The following CPNE8 variants were observed in gnomAD, a reference collection of about 807,000 sequenced individuals.
CPNE8 encodes copine-8.
CPNE8 carries 45 observed loss-of-function variants against 81.5 expected under a neutral mutation model. That is an observed-to-expected ratio of 0.55 (90% CI 0.44 to 0.71). The LOEUF (loss-of-function observed/expected upper bound fraction) is 0.71. Ranked by LOEUF, CPNE8 falls within the 30% of genes least tolerant of loss-of-function variation. The pLI is 0.00. For missense variants in CPNE8, 594 were observed against 672.1 expected (o/e 0.88, Z 1.28); for synonymous variants, 252 against 226.3 (o/e 1.11, Z -1.02).
intron 19 of CPNE8, among the ~76,000 whole-genome samples, chr12:38,665,660 AT>A (rs2136638999): frequency 6.6e-6 from 1 of 152,222 alleles, no homozygotes; most frequent in African/African-American, 2.4e-5. Flanking sequence ...TTTAAATATA[AT>A]TTTTCAGGAA....
In CPNE8 at chr12:38,902,423, A is replaced by AAG. The variant is rs879570207; in HGVS notation, c.98+3012_98+3013dup. 7.0e-3 allele frequency among the ~76,000 whole-genome samples: 830 copies of AAG among 117,896 alleles called. 23 individuals are homozygous for AAG. Among genetic ancestry groups the AAG allele is most frequent in the African/African-American group, 0.016 (285 of 17,790 alleles). The allele number at this position is 117,896 out of a possible 152,430, so 77.3% of individuals were successfully genotyped here. Reference sequence around the variant, plus strand: ...AGAAAGAAAGAAAGAAAGAAAAAGAAAGAAAGAAAGAAAGGAGAGAGAGAA... The same window carrying AAG: ...AGAAAGAAAGAAAGAAAGAAAAAGAAAGAGAAAGAAAGAAAGGAGAGAGAGAA... On this transcript the variant is annotated intron_variant, in intron 1 of 19. Coordinates refer to ENST00000331366, the MANE Select transcript of CPNE8 (RefSeq NM_153634.3).
At chr12:38,681,906 T>C (rs964112184) in intron 16 of CPNE8, among the ~76,000 whole-genome samples, 9 of 152,200 alleles carry the variant, frequency 5.9e-5, no homozygotes, top group African/African-American at 2.2e-4. Flanking sequence ...GTCATTAAGA[T>C]TGGCTAAGCA....
chr12:38,751,050 T>G (rs962519025), intron 10 of CPNE8, among the ~76,000 whole-genome samples: 6 of 152,144 alleles, frequency 3.9e-5, no homozygotes, highest in Non-Finnish European at 7.4e-5. Context: ...TTTTGAAAAA[T>G]GGGAGTCTCC....
At chr12:38,776,207 T>A in intron 7 of CPNE8, 31 bp downstream of exon 7, 1 of 1,221,670 alleles carries the variant, frequency 8.2e-7, no homozygotes, top group Non-Finnish European at 1.2e-6. Context: ...AGTATGGAAG[T>A]ATTTTCTAAA....
At chr12:38,766,043 A>C (rs533537617) in intron 8 of CPNE8, among the ~76,000 whole-genome samples, 1 of 152,200 alleles carries the variant, frequency 6.6e-6, no homozygotes, top group South Asian at 2.1e-4. Context: ...TATTTTTAGT[A>C]GAGACAGGGT....
chr12:38,745,656 C>T (rs1433956776), intron 10 of CPNE8, among the ~76,000 whole-genome samples: 2 of 152,158 alleles, frequency 1.3e-5, no homozygotes, highest in African/African-American at 4.8e-5. Context: ...GATCCTCCCA[C>T]CTCAGCCTAT....
At chr12:38,823,928 A>C (rs1402208521) in intron 6 of CPNE8, among the ~76,000 whole-genome samples, 1 of 152,162 alleles carries the variant, frequency 6.6e-6, no homozygotes, top group Non-Finnish European at 1.5e-5. Flanking sequence ...TAATAATGGG[A>C]TGATCTAAAG....
Position 38,767,728 on chromosome 12 carries a change from A to C in CPNE8, c.482T>G (p.Leu161Trp). The change falls in exon 8 of 20, where the codon TTG (leucine) becomes TGG (tryptophan). Residue 161 changes from leucine to tryptophan, a missense_variant. Transcript: ENST00000331366. ...CAATTTGTTCGCACAAAATTGCATC[A>C]AAACGGCATCCTAAAAACAAAATTA... ...EELNCCRDAV[L>W]MQFCANKLDK... is the part of the protein sequence containing the mutation. 6.5e-7 allele frequency: 1 copy of C among 1,546,620 alleles called. No individual in the cohort carries two copies. Among genetic ancestry groups the C allele is most frequent in the African/African-American group, 1.4e-5 (1 of 71,238 alleles).
intron 10 of CPNE8, among the ~76,000 whole-genome samples, chr12:38,743,302 C>T (rs1941151595): frequency 6.6e-6 from 1 of 151,950 alleles, no homozygotes; most frequent in South Asian, 2.1e-4. Flanking sequence ...ATGGGTTAGT[C>T]TCTTAAATTT....
intron 6 of CPNE8, among the ~76,000 whole-genome samples, chr12:38,801,046 G>C (rs1340770558): frequency 6.7e-6 from 1 of 149,278 alleles, no homozygotes; most frequent in Non-Finnish European, 1.5e-5. Flanking sequence ...GTACCTGAAA[G>C]TGATGGGGAG....
intron 15 of CPNE8, among the ~76,000 whole-genome samples, chr12:38,688,727 G>A (rs1939600300): frequency 6.6e-6 from 1 of 151,880 alleles, no homozygotes; most frequent in Non-Finnish European, 1.5e-5. Context: ...CTCAGGAATA[G>A]AAAACCAAAT....
chr12:38,899,722 G>A (rs752604085), intron 1 of CPNE8, among the ~76,000 whole-genome samples: 5 of 152,296 alleles, frequency 3.3e-5, no homozygotes, highest in Non-Finnish European at 5.9e-5. Flanking sequence ...GTTGCACATA[G>A]TACTTTTATT....
chr12:38,874,544 A>G (rs2137109432), intron 1 of CPNE8, 33 bp from the exon 2 acceptor site: 1 of 1,417,578 alleles, frequency 7.1e-7, no homozygotes, highest in Admixed American at 1.8e-5. Context: ...TTAGCTGGAT[A>G]TAAAAGCAAA....
chr12:38,840,804 C>A (rs1192753501), intron 4 of CPNE8, among the ~76,000 whole-genome samples: 1 of 152,098 alleles, frequency 6.6e-6, no homozygotes, highest in Non-Finnish European at 1.5e-5. Context: ...TGGAAAGAGT[C>A]TGCAATACGA....
intron 6 of CPNE8, among the ~76,000 whole-genome samples, chr12:38,813,795 A>C (rs1942977131): frequency 6.6e-6 from 1 of 152,198 alleles, no homozygotes; most frequent in African/African-American, 2.4e-5. Flanking sequence ...AGGCCTGCGA[A>C]AGACAGTGTG....
intron 13 of CPNE8, among the ~76,000 whole-genome samples, chr12:38,711,776 A>G (rs1592029201): frequency 6.6e-6 from 1 of 152,124 alleles, no homozygotes; most frequent in Non-Finnish European, 1.5e-5. Flanking sequence ...GCCCAAGTAT[A>G]CATTTTAAAC....
chr12:38,761,121 G>A (rs1941563234), intron 9 of CPNE8, among the ~76,000 whole-genome samples: 1 of 152,128 alleles, frequency 6.6e-6, no homozygotes, highest in Non-Finnish European at 1.5e-5. Context: ...GAGTCTACAG[G>A]GGAAGCATGT....
chr12:38,682,095 C>T (rs1246536747), intron 16 of CPNE8, among the ~76,000 whole-genome samples: 1 of 152,090 alleles, frequency 6.6e-6, no homozygotes, highest in Non-Finnish European at 1.5e-5. Flanking sequence ...TGGCACATAC[C>T]AGTATTCCCA....
chr12:38,809,629 G>A (rs1424035970), intron 6 of CPNE8, among the ~76,000 whole-genome samples: 4 of 152,082 alleles, frequency 2.6e-5, no homozygotes, highest in Non-Finnish European at 4.4e-5. Context: ...ATGATCCATG[G>A]TCCTCCCATA....
Sources: allele counts gnomAD v4.1 joint callset (sites outside exome capture counted in the v4.1 genomes callset), GRCh38; gene constraint gnomAD v4.1.1; transcripts MANE v1.5; gene names NCBI Gene and HGNC (gene_info 2026-07-23, HGNC 2026-07-21).